The following MUC4 variants were observed in gnomAD, a reference collection of about 807,000 sequenced individuals.
MUC4 encodes mucin 4, cell surface associated.
Under a neutral mutation model 257.9 loss-of-function variants are expected in MUC4, and 202 were observed. The ratio of observed to expected loss-of-function variants is 0.78; its 90% CI spans 0.70 to 0.88. The LOEUF is 0.88. MUC4 is among the 40% of genes least tolerant of loss of function. The pLI is 0.00. For missense variants in MUC4, 5,976 were observed against 6,513.7 expected, an observed-to-expected ratio of 0.92 and a Z score of 2.84; for synonymous variants, 2,351 against 2,757.1, an observed-to-expected ratio of 0.85 and a Z score of 4.62.
intron 17 of MUC4, among the ~76,000 whole-genome samples, chr3:195,758,836 G>A (rs912922520): frequency 4.6e-5 from 7 of 151,260 alleles, no homozygotes; most frequent in East Asian, 1.9e-4. Flanking sequence ...CTCCCAAAGC[G>A]CTGGGATGAC....
chr3:195,767,980 C>T lies in MUC4; in HGVS notation c.13529+1042G>A, dbSNP rs956366043. Among the ~76,000 whole-genome samples the T allele has an allele frequency of 2.0e-5, 3 of 151,950 alleles. No homozygotes were observed. In the East Asian group the frequency reaches 5.8e-4, roughly 29 times the overall value. ...CCACCACCACCACTATCGCCATCACCGTCCCCAGGTGTGGGGTCCGAGCAT... is the reference window on the plus strand; with the variant it reads ...CCACCACCACCACTATCGCCATCACTGTCCCCAGGTGTGGGGTCCGAGCAT... On this transcript the variant is annotated intron_variant, in intron 7 of 24. Coordinates refer to ENST00000463781, the MANE Select transcript of MUC4 (RefSeq NM_018406.7).
In MUC4 at chr3:195,791,310, G is replaced by A. The variant is rs756592872; in HGVS notation, c.270C>T (p.Thr90=). 8.6e-5 allele frequency: 139 copies of A among 1,613,882 alleles called. No individual in the cohort carries two copies. Among genetic ancestry groups the A allele is most frequent in the Admixed American group, 4.2e-4 (25 of 60,024 alleles). The change falls in exon 2 of 25, where the codon ACC becomes ACT. Residue 90 remains threonine, a synonymous_variant. Transcript: ENST00000463781. ...KSTETTSKAQ[T]DTLTQMMTST... ...ATGTCATCATCTGCGTGAGGGTGTC[G>A]GTTTGAGCTTTGCTGGTGGTCTCCG...
At position 195,779,928 on chromosome 3, in the gene MUC4, A is replaced by T. The variant is rs1380882974; in HGVS notation, c.11652T>A (p.Gly3884=). 6.9e-7 allele frequency: 1 copy of T among 1,445,618 alleles called. No homozygotes were observed. The highest frequency in any genetic ancestry group is 2.3e-5 in the Admixed American group (1 of 43,368). The allele number at this position is 1,445,618 out of a possible 1,614,324, so 89.5% of individuals were successfully genotyped here. Residue 3884 remains glycine, a synonymous_variant, in exon 2 of 25, where the codon GGT becomes GGA. Transcript: ENST00000463781. ...PVTGLSSAST[G]DTTPLPVTDT... ...CGGTGACAGGAAGAGGGGTGGTGTC[A>T]CCTGTGGAAGCTGAGGAAAGGCCGG...
In MUC4 at chr3:195,763,524, TGA is replaced by T. The variant is rs1201527939; in HGVS notation, c.14160_14161del (p.Gln4721GlyfsTer36). Reference sequence around the variant, plus strand: ...TGAGCCAGTCTGGGCGGTGCGGCCCTGAAGCAGGAAGGAGGAGTTCCCGTCTT... The same window carrying T: ...TGAGCCAGTCTGGGCGGTGCGGCCCTAGCAGGAAGGAGGAGTTCCCGTCTT... On this transcript the variant is annotated frameshift_variant, in exon 12 of 25. Coordinates refer to ENST00000463781, the MANE Select transcript of MUC4 (RefSeq NM_018406.7). LOFTEE classifies it high-confidence loss of function. 6.3e-7 allele frequency: 1 copy of T among 1,575,270 alleles called. No individual in the cohort carries two copies. The highest frequency in any genetic ancestry group is 1.8e-5 in the Admixed American group (1 of 55,964).
intron 3 of MUC4, among the ~76,000 whole-genome samples, chr3:195,775,455 CCATACCTTCCACAGT>C (rs1560283673): frequency 5.7e-5 from 4 of 70,256 alleles, no homozygotes; most frequent in African/African-American, 1.1e-4. Flanking sequence ...CCTTCCACAC[CCATACCTTCCACAGT>C]CATACCTTCC....
rs75373094 is a variant in MUC4, at chr3:195,757,807, A to G, written c.14987-479T>C. Among the ~76,000 whole-genome samples the G allele has an allele frequency of 1.2e-4, 19 of 152,248 alleles. No individual in the cohort carries two copies. The highest frequency in any genetic ancestry group is 4.6e-4 in the African/African-American group (19 of 41,552). On this transcript the variant is annotated intron_variant, in intron 17 of 24. Transcript: ENST00000463781. The surrounding 1 kb of genome is among the most constrained non-coding windows in gnomAD (Gnocchi z 4.8). ...CCTTCAGACACCAGACTGTAGTGAA[A>G]CACTACTACATATCTTCAGATCAAA...
Position 195,779,927 on chromosome 3 carries a change from CA to C in MUC4, c.11652del (p.Asp3885ThrfsTer374). The stretch of plus-strand genomic sequence containing the variant: ...TCGGTGACAGGAAGAGGGGTGGTGT[CA>C]CCTGTGGAAGCTGAGGAAAGGCCGG... ...PVTGLSSAST[G>X]DTTPLPVTDT... On this transcript the variant is annotated frameshift_variant, in exon 2 of 25. Coordinates refer to ENST00000463781, the MANE Select transcript of MUC4 (RefSeq NM_018406.7). LOFTEE classifies it high-confidence loss of function. 2 of 1,383,598 alleles carry C rather than the reference CA, an allele frequency of 1.4e-6. 1 individual carries two copies. The highest frequency in any genetic ancestry group is 5.0e-5 in the African/African-American group (2 of 39,676). 85.7% of individuals were successfully genotyped at this position (1,383,598 alleles called of 1,614,324 possible).
rs1173260794 is a variant in MUC4 at position 195,763,519 on chromosome 3, G to A, written c.14167C>T (p.Arg4723Cys). Residue 4723 changes from arginine to cysteine, a missense_variant, in exon 12 of 25, where the codon CGC becomes TGC. Arg to Cys is a radical substitution (Grantham distance 180). Transcript: ENST00000463781. The part of the protein sequence containing the change: ...DGNSSFLLQG[R>C]TAQTGSAQAT... Reference sequence around the variant, plus strand: ...TGGGCTGAGCCAGTCTGGGCGGTGCGGCCCTGAAGCAGGAAGGAGGAGTTC... The same window carrying A: ...TGGGCTGAGCCAGTCTGGGCGGTGCAGCCCTGAAGCAGGAAGGAGGAGTTC... The A allele has an allele frequency of 3.8e-6, 6 of 1,569,166 alleles. No individual in the cohort carries two copies. Among genetic ancestry groups the A allele is most frequent in the Non-Finnish European group, 4.3e-6 (5 of 1,156,132 alleles).
In MUC4 at chr3:195,783,200, A is replaced by C. The variant is rs1377546612; in HGVS notation, c.8380T>G (p.Ser2794Ala). ...GGAAGAGGGGTGGTGTGACCTGTGG[A>C]TGCTGAGGAAGGGCTGGTGACATGA... ...PLHVTSPSSASTGHTTPLPVT... is the reference protein window; with the variant it reads ...PLHVTSPSSAATGHTTPLPVT... The change falls in exon 2 of 25, where the codon TCC becomes GCC. Residue 2794 changes from serine to alanine, a missense_variant. Around this residue, in one of 44 missense-constraint regions of MUC4, gnomAD observed 228 missense variants for 206.3 expected, o/e 1.11. Transcript: ENST00000463781. The C allele has an allele frequency of 7.2e-7, 1 of 1,380,186 alleles. No homozygotes were observed. Among genetic ancestry groups the C allele is most frequent in the Admixed American group, 2.1e-5 (1 of 46,648 alleles). 85.5% of individuals were successfully genotyped at this position (1,380,186 alleles called of 1,614,324 possible). A position where few individuals can be genotyped will look rare whatever the true frequency, so the allele number is the denominator to read the frequency against.
chr3:195,811,073 C>A (rs1736647899), intron 1 of MUC4, among the ~76,000 whole-genome samples: 1 of 152,034 alleles, frequency 6.6e-6, no homozygotes, highest in Non-Finnish European at 1.5e-5. Flanking sequence ...CCCCTCAGAT[C>A]TTGTCCCGTA....
chr3:195,779,104 G>T lies in MUC4; in HGVS notation c.12476C>A (p.Thr4159Asn). ...IPSSASSGHT[T>N]SLPVTDASSV... ...GGAAGCGTCGGTGACAGGAAGAGAG[G>T]TGGTGTGACCTGAGGATGCTGAGGA... is the stretch of plus-strand genomic sequence containing the variant. The change falls in exon 2 of 25, where the codon ACC (threonine) becomes AAC (asparagine). Residue 4159 changes from threonine (T) to asparagine (N), a missense_variant. By Grantham distance (65) the Thr-to-Asn change is moderately conservative. Around this residue, in one of 44 missense-constraint regions of MUC4, gnomAD observed 293 missense variants for 294.5 expected, o/e 1.00. Coordinates refer to ENST00000463781, the MANE Select transcript of MUC4 (RefSeq NM_018406.7). The T allele has an allele frequency of 6.6e-7, 1 of 1,509,938 alleles. No homozygotes were observed. The highest frequency in any genetic ancestry group is 8.9e-7 in the Non-Finnish European group (1 of 1,123,460). 93.5% of individuals were successfully genotyped at this position (1,509,938 alleles called of 1,614,324 possible).
chr3:195,801,810 GC>G (rs893892542), intron 1 of MUC4, among the ~76,000 whole-genome samples: 16 of 150,826 alleles, frequency 1.1e-4, no homozygotes, highest in East Asian at 7.8e-4. Flanking sequence ...TGTGTATTGC[GC>G]CCCCCCCTCC....
chr3:195,775,011 A>G (rs186659805), intron 3 of MUC4, among the ~76,000 whole-genome samples: 1 of 152,122 alleles, frequency 6.6e-6, no homozygotes, highest in African/African-American at 2.4e-5. Flanking sequence ...CTCCAGATAA[A>G]CTTGAAGACT....
At position 195,786,355 on chromosome 3, in the gene MUC4, G is replaced by T. The variant is rs764188630; in HGVS notation, c.5225C>A (p.Ala1742Asp). The T allele has an allele frequency of 5.2e-6, 8 of 1,529,854 alleles. 1 individual carries two copies. Among genetic ancestry groups the T allele is most frequent in the Middle Eastern group, 2.2e-4 (1 of 4,474 alleles). 94.8% of individuals were successfully genotyped at this position (1,529,854 alleles called of 1,614,324 possible). ...AGCGTCAGTGACAAGAAGAGGGCTG[G>T]CGTGACCTGTGGATGCTGAGGAAGG... ...TSPSSASTGHASPLLVTDASS... is the reference protein window; with the variant it reads ...TSPSSASTGHDSPLLVTDASS... The change falls in exon 2 of 25, where the codon GCC (alanine) becomes GAC (aspartate). Residue 1742 changes from alanine to aspartate, a missense_variant. Physicochemically the swap from Ala to Asp is moderately radical, Grantham distance 126 (BLOSUM62 -2). Transcript: ENST00000463781.
intron 1 of MUC4, among the ~76,000 whole-genome samples, chr3:195,792,059 T>C (rs1308827547): frequency 6.6e-6 from 1 of 152,158 alleles, no homozygotes; most frequent in Non-Finnish European, 1.5e-5. Context: ...GGCAATACCA[T>C]TCAGGACATA....
At chr3:195,762,795 T>A in intron 13 of MUC4, 60 bp downstream of exon 13, 1 of 1,044,324 alleles carries the variant, frequency 9.6e-7, no homozygotes, top group Non-Finnish European at 1.4e-6. Context: ...GCAACGCGGC[T>A]TCCCGCCCAC....
Position 195,786,238 on chromosome 3 carries a change from C to A in MUC4, c.5342G>T (p.Gly1781Val), listed in dbSNP as rs1465188269. 1.4e-6 allele frequency: 2 copies of A among 1,470,330 alleles called. No individual in the cohort carries two copies. The highest frequency in any genetic ancestry group is 1.8e-6 in the Non-Finnish European group (2 of 1,094,916). The allele number at this position is 1,470,330 out of a possible 1,614,324, so 91.1% of individuals were successfully genotyped here. A position where few individuals can be genotyped will look rare whatever the true frequency, so the allele number is the denominator to read the frequency against. The change falls in exon 2 of 25, where the codon GGC becomes GTC. Residue 1781 changes from glycine to valine, a missense_variant. By Grantham distance (109) the Gly-to-Val change is moderately radical. This residue lies in a region of MUC4 where 19 missense variants were observed against 31.6 expected (regional missense o/e 0.60). Coordinates refer to ENST00000463781, the MANE Select transcript of MUC4 (RefSeq NM_018406.7). Reference protein sequence around the residue: ...TAHATPLPVTGLSSASTDDTT... With the variant: ...TAHATPLPVTVLSSASTDDTT... The stretch of plus-strand genomic sequence containing the variant: ...GTCATCTGTGGAAGCTGAAGAAAGG[C>A]CGGTGACAGGAAGTGGGGTGGCGTG...
chr3:195,803,307 GC>G (rs1735583580), intron 1 of MUC4, among the ~76,000 whole-genome samples: 1 of 152,216 alleles, frequency 6.6e-6, no homozygotes, highest in Non-Finnish European at 1.5e-5. Flanking sequence ...CCTTATCAAG[GC>G]TTTCCCCTCT....
chr3:195,753,465 C>T (rs1438603388), intron 19 of MUC4: 1 of 535,668 alleles, frequency 1.9e-6, no homozygotes, highest in Non-Finnish European at 3.2e-6. Context: ...GTTTCTCAGA[C>T]CCTCTGCTTC....
Sources: allele counts gnomAD v4.1 joint callset (sites outside exome capture counted in the v4.1 genomes callset), GRCh38; gene constraint gnomAD v4.1.1; regional missense constraint gnomAD v4.1.1; non-coding constraint Gnocchi (gnomAD v3.1); transcripts MANE v1.5; gene names NCBI Gene and HGNC (gene_info 2026-07-23, HGNC 2026-07-21).